MGLL: variants seen among roughly 807,000 people sequenced by gnomAD.
MGLL encodes the protein lysophospholipase homolog.
MGLL carries 7 observed loss-of-function variants against 29.1 expected under a neutral mutation model. The ratio of observed to expected loss-of-function variants is 0.24; its 90% CI spans 0.14 to 0.45. MGLL has a LOEUF of 0.45. Ranked by LOEUF, MGLL falls within the 20% of genes least tolerant of loss-of-function variation. The probability of loss-of-function intolerance (pLI) is 0.99; values close to 1 mark genes in which losing one functional copy is unlikely to be tolerated. For synonymous variants in MGLL, 148 were observed against 168.3 expected, an observed-to-expected ratio of 0.88 and a Z score of 0.93; for missense variants, 356 against 413.6, an observed-to-expected ratio of 0.86 and a Z score of 1.21.
chr3:127,732,690 A>T (rs11717519), intron 3 of MGLL, among the ~76,000 whole-genome samples: 54,411 of 152,108 alleles, frequency 0.36, 10,555 homozygotes, highest in Non-Finnish European at 0.44. Context: ...AGATGTGCAA[A>T]CAGGGAGGCC....
intron 3 of MGLL, among the ~76,000 whole-genome samples, chr3:127,727,346 T>A (rs2076064528): frequency 6.7e-6 from 1 of 149,196 alleles, no homozygotes; most frequent in African/African-American, 2.5e-5. Flanking sequence ...AACTTAATTC[T>A]TTTTTTTTTA....
chr3:127,756,047 G>T (rs1419512291), intron 3 of MGLL, among the ~76,000 whole-genome samples: 1 of 152,200 alleles, frequency 6.6e-6, no homozygotes, highest in South Asian at 2.1e-4. Context: ...TTCCAGAAAG[G>T]CTTCTTAAGT....
rs186350127 is a variant in MGLL at position 127,762,147 on chromosome 3, G to A, written c.262+19642C>T. 1.4e-3 allele frequency among the ~76,000 whole-genome samples: 217 copies of A among 152,322 alleles called. No homozygotes were observed. In the Middle Eastern group the frequency reaches 0.024, roughly 17 times the overall value. ...AGGGCAGCCTGACAGTGCAGTCGTG[G>A]TTTATTGCTTCCACGTTAGTGACAC... On this transcript the variant is annotated intron_variant, in intron 3 of 7. Transcript: ENST00000265052.
At chr3:127,801,399 C>T (rs1160279490) in intron 2 of MGLL, among the ~76,000 whole-genome samples, 1 of 151,888 alleles carries the variant, frequency 6.6e-6, no homozygotes, top group Non-Finnish European at 1.5e-5. Context: ...GGTGGATCAC[C>T]TGAGATCAGG....
At chr3:127,769,654 G>C (rs2076917120) in intron 3 of MGLL, among the ~76,000 whole-genome samples, 1 of 152,250 alleles carries the variant, frequency 6.6e-6, no homozygotes, top group Non-Finnish European at 1.5e-5. Flanking sequence ...TTAGCCCTGA[G>C]GGACTGAACA....
chr3:127,746,401 G>T (rs1336898016), intron 3 of MGLL, among the ~76,000 whole-genome samples: 1 of 152,108 alleles, frequency 6.6e-6, no homozygotes, highest in Admixed American at 6.5e-5. Flanking sequence ...TGCCTCAACT[G>T]CCCCCAGGCG....
intron 3 of MGLL, among the ~76,000 whole-genome samples, chr3:127,775,410 C>T (rs1443285113): frequency 6.6e-6 from 1 of 152,130 alleles, no homozygotes; most frequent in Non-Finnish European, 1.5e-5. Flanking sequence ...AGCAAGCGAC[C>T]TTGACTCAAA....
chr3:127,818,063 C>T (rs1036568055), intron 2 of MGLL, among the ~76,000 whole-genome samples: 2 of 152,354 alleles, frequency 1.3e-5, no homozygotes, highest in African/African-American at 2.4e-5. Context: ...TGGGTTCAAG[C>T]GATTCTCCTG....
chr3:127,754,518 G>A (rs16830337), intron 3 of MGLL, among the ~76,000 whole-genome samples: 6,579 of 152,266 alleles, frequency 0.043, 155 homozygotes, highest in African/African-American at 0.054. Context: ...CAACGGCCCC[G>A]CTAGGCAGCA....
chr3:127,744,889 C>G (rs1401832007), intron 3 of MGLL, among the ~76,000 whole-genome samples: 2 of 152,216 alleles, frequency 1.3e-5, no homozygotes, highest in Non-Finnish European at 2.9e-5. Flanking sequence ...TTTTGCAGAA[C>G]ATTTGATCCT....
Position 127,692,094 on chromosome 3 carries a change from ATTTT to A in MGLL, c.*100_*103del, listed in dbSNP as rs11433015. The A allele has an allele frequency of 1.1e-3, 751 of 707,990 alleles. No individual in the cohort carries two copies. The highest frequency in any genetic ancestry group is 2.0e-3 in the East Asian group (49 of 24,848). 43.9% of individuals were successfully genotyped at this position (707,990 alleles called of 1,614,324 possible). On this transcript the variant is annotated 3_prime_UTR_variant, in exon 8 of 8. Coordinates refer to ENST00000265052, the MANE Select transcript of MGLL (RefSeq NM_007283.7). ...GTGCTAAGGATTTCTCCAATTTCTGATTTTTTTTTTTTTTTTTTTTTGGCAAGCC... is the reference window on the plus strand; with the variant it reads ...GTGCTAAGGATTTCTCCAATTTCTGATTTTTTTTTTTTTTTTTGGCAAGCC...
At chr3:127,821,885 C>G in intron 1 of MGLL, 47 bp from the exon 2 acceptor site, 1 of 1,592,670 alleles carries the variant, frequency 6.3e-7, no homozygotes, top group Non-Finnish European at 8.6e-7. Flanking sequence ...ATCTCAAGAA[C>G]ATGTATGGAT....
intron 3 of MGLL, among the ~76,000 whole-genome samples, chr3:127,750,752 C>T (rs1026944113): frequency 3.3e-5 from 5 of 152,162 alleles, no homozygotes; most frequent in Non-Finnish European, 7.3e-5. Context: ...CTACAATGAA[C>T]TGGTATTTTG....
chr3:127,820,300 GCA>G (rs2077835860), intron 2 of MGLL, among the ~76,000 whole-genome samples: 1 of 152,154 alleles, frequency 6.6e-6, no homozygotes, highest in African/African-American at 2.4e-5. Flanking sequence ...TGCAACTTCA[GCA>G]CAGAGATTGT....
Position 127,815,333 on chromosome 3 carries a change from T to C in MGLL, c.155+6361A>G, listed in dbSNP as rs573473080. On this transcript the variant is annotated intron_variant, in intron 2 of 7. Transcript: ENST00000265052. Reference sequence around the variant, plus strand: ...AAGAATACATTAAAGGTGTGTGCTGTGAAGGAGAATCCCACATTCCCACAC... The same window carrying C: ...AAGAATACATTAAAGGTGTGTGCTGCGAAGGAGAATCCCACATTCCCACAC... 6.6e-5 allele frequency among the ~76,000 whole-genome samples: 10 copies of C among 152,320 alleles called. No homozygotes were observed. The South Asian group carries it at 2.1e-3, about 32-fold the overall frequency.
chr3:127,692,475 C>T (rs1375290384), intron 7 of MGLL, 152 bp from the exon 8 acceptor site: 2 of 863,066 alleles, frequency 2.3e-6, no homozygotes, highest in East Asian at 2.6e-5. Context: ...TATTAGGAGG[C>T]CAACACCTTT....
At chr3:127,746,892 TC>T (rs1240794224) in intron 3 of MGLL, among the ~76,000 whole-genome samples, 1 of 151,666 alleles carries the variant, frequency 6.6e-6, no homozygotes, top group Non-Finnish European at 1.5e-5. Context: ...CCCTCCCTCC[TC>T]CTTCCTGAAT....
At chr3:127,773,095 T>C (rs999901844) in intron 3 of MGLL, among the ~76,000 whole-genome samples, 3 of 152,252 alleles carry the variant, frequency 2.0e-5, no homozygotes, top group African/African-American at 7.2e-5. Context: ...CAGCCTGGGC[T>C]GGTTTCCTCC....
At chr3:127,696,790 G>A (rs2075376141) in intron 6 of MGLL, among the ~76,000 whole-genome samples, 2 of 152,050 alleles carry the variant, frequency 1.3e-5, no homozygotes, top group Admixed American at 1.3e-4. Context: ...CACGTGGTGA[G>A]GACTGGGTGA....
Sources: allele counts gnomAD v4.1 joint callset (sites outside exome capture counted in the v4.1 genomes callset), GRCh38; gene constraint gnomAD v4.1.1; transcripts MANE v1.5; gene names NCBI Gene and HGNC (gene_info 2026-07-23, HGNC 2026-07-21).